LRIG1: variants seen among roughly 807,000 people sequenced by gnomAD.
LRIG1 encodes leucine-rich repeats and immunoglobulin-like domains protein 1.
Under a neutral mutation model 99.2 loss-of-function variants are expected in LRIG1, and 48 were observed. The observed-to-expected ratio is 0.48, with a 90% CI of 0.38 to 0.62. The LOEUF (loss-of-function observed/expected upper bound fraction) is 0.62, where lower values mean the gene tolerates loss of function less well. Ranked by LOEUF, LRIG1 falls within the 20% of genes least tolerant of loss-of-function variation. LRIG1 has a pLI of 0.00. For synonymous variants in LRIG1, 772 were observed against 596.1 expected (o/e 1.29, Z -4.30); for missense variants, 1,646 against 1,434.4 (o/e 1.15, Z -2.38).
chr3:66,409,906 T>C (rs1702408563), intron 7 of LRIG1: 2 of 475,028 alleles, frequency 4.2e-6, no homozygotes, highest in African/African-American at 3.9e-5. Context: ...CTGGAGCCCC[T>C]GCTAATCCAA....
intron 3 of LRIG1, among the ~76,000 whole-genome samples, chr3:66,419,178 G>A (rs938423586): frequency 2.6e-5 from 4 of 152,166 alleles, no homozygotes; most frequent in Non-Finnish European, 5.9e-5. Flanking sequence ...GCACAAAGAG[G>A]GGGTGAGGCC....
chr3:66,473,899 G>T (rs1700658155), intron 1 of LRIG1, among the ~76,000 whole-genome samples: 1 of 152,182 alleles, frequency 6.6e-6, no homozygotes, highest in South Asian at 2.1e-4. Flanking sequence ...GTCATGAAAT[G>T]CTTAGCTAAA....
chr3:66,473,539 G>A (rs532214343), intron 1 of LRIG1, among the ~76,000 whole-genome samples: 71 of 152,282 alleles, frequency 4.7e-4, no homozygotes, highest in Admixed American at 3.9e-3. Context: ...AATGCTCGGC[G>A]TTACAAATGG....
At chr3:66,442,658 A>T (rs1181887737) in intron 3 of LRIG1, among the ~76,000 whole-genome samples, 1 of 152,148 alleles carries the variant, frequency 6.6e-6, no homozygotes, top group African/African-American at 2.4e-5. Flanking sequence ...CTGCTTCTCC[A>T]ACATTGGGGA....
In LRIG1 at chr3:66,383,265, A is replaced by G. The variant is rs1382236940; in HGVS notation, c.2208T>C (p.Thr736=). Residue 736 remains threonine, a synonymous_variant, in exon 15 of 19, where the codon ACT becomes ACC. Coordinates refer to ENST00000273261, the MANE Select transcript of LRIG1 (RefSeq NM_015541.3). The part of the protein sequence containing the change: ...WFKGDRPLSL[T]ERHHLTPDNQ... ...TGTCAGGGGTCAAGTGGTGCCGCTC[A>G]GTGAGGCTCAGCGGGCGGTCCCCCT... is the stretch of plus-strand genomic sequence containing the variant. 1 of 1,613,944 alleles carries G rather than the reference A, an allele frequency of 6.2e-7. No homozygotes were observed. The highest frequency in any genetic ancestry group is 1.3e-5 in the African/African-American group (1 of 74,942).
At chr3:66,498,647 T>G (rs1575739618) in intron 1 of LRIG1, among the ~76,000 whole-genome samples, 1 of 151,598 alleles carries the variant, frequency 6.6e-6, no homozygotes, top group African/African-American at 2.4e-5. Context: ...AGGACAATAC[T>G]GGGCTCTATC....
intron 3 of LRIG1, among the ~76,000 whole-genome samples, chr3:66,445,903 T>A (rs1703700527): frequency 6.6e-6 from 1 of 152,178 alleles, no homozygotes; most frequent in Admixed American, 6.5e-5. Context: ...ATTAACAACC[T>A]TAGCTCAGAT....
chr3:66,460,231 A>G, intron 2 of LRIG1, among the ~76,000 whole-genome samples: 1 of 152,192 alleles, frequency 6.6e-6, no homozygotes, highest in East Asian at 1.9e-4. Context: ...GGAATTCTCC[A>G]ATTTTGTCCA....
chr3:66,433,144 G>A (rs1317581794), intron 3 of LRIG1, among the ~76,000 whole-genome samples: 1 of 152,108 alleles, frequency 6.6e-6, no homozygotes, highest in African/African-American at 2.4e-5. Context: ...CACTCTCCAG[G>A]GAACAAAAGA....
chr3:66,442,468 G>A (rs903401219), intron 3 of LRIG1, among the ~76,000 whole-genome samples: 7 of 152,134 alleles, frequency 4.6e-5, no homozygotes, highest in Admixed American at 1.3e-4. Flanking sequence ...GGAGGAGGAG[G>A]AGGAGGAAAT....
intron 3 of LRIG1, among the ~76,000 whole-genome samples, chr3:66,438,980 G>A (rs1453438549): frequency 1.3e-5 from 2 of 152,264 alleles, no homozygotes; most frequent in African/African-American, 2.4e-5. Context: ...TCCAGGGAAT[G>A]GGGGAAAGTG....
Position 66,435,673 on chromosome 3 carries a change from T to G in LRIG1, c.365+15886A>C, listed in dbSNP as rs544499858. ...GATCCTTGCAATGATACAAATATTC[T>G]GCATTCTGACTGCATCGATGTCAAT... On this transcript the variant is annotated intron_variant, in intron 3 of 18. Coordinates refer to ENST00000273261, the MANE Select transcript of LRIG1 (RefSeq NM_015541.3). Among the ~76,000 whole-genome samples the G allele has an allele frequency of 9.2e-5, 14 of 152,300 alleles. No individual in the cohort carries two copies. The South Asian group carries it at 2.5e-3, about 27-fold the overall frequency.
intron 3 of LRIG1, among the ~76,000 whole-genome samples, chr3:66,418,129 G>C (rs1702677452): frequency 6.6e-6 from 1 of 151,586 alleles, no homozygotes; most frequent in African/African-American, 2.4e-5. Context: ...GTCTCGCTCT[G>C]TCGCCAGGCT....
chr3:66,480,162 A>G (rs1221479058), intron 1 of LRIG1, among the ~76,000 whole-genome samples: 2 of 152,308 alleles, frequency 1.3e-5, no homozygotes, highest in South Asian at 2.1e-4. Context: ...ACCTGCCATA[A>G]TATGGACGAA....
At chr3:66,467,615 C>A (rs562153747) in intron 1 of LRIG1, among the ~76,000 whole-genome samples, 1 of 152,340 alleles carries the variant, frequency 6.6e-6, no homozygotes, top group East Asian at 1.9e-4. Flanking sequence ...CCCGCCTCGG[C>A]CTCCCAAAGT....
chr3:66,435,204 A>G (rs1388982905), intron 3 of LRIG1, among the ~76,000 whole-genome samples: 1 of 152,256 alleles, frequency 6.6e-6, no homozygotes, highest in Admixed American at 6.5e-5. Context: ...TCCATACTTT[A>G]TTATTCCATT....
At chr3:66,404,561 G>A in intron 9 of LRIG1, 1 of 295,854 alleles carries the variant, frequency 3.4e-6, no homozygotes, top group Non-Finnish European at 5.0e-6. Flanking sequence ...CAGCCGTGTA[G>A]TTTTGGGCGA....
chr3:66,399,179 G>A (rs1014079929), intron 9 of LRIG1, 138 bp from the exon 10 acceptor site: 1 of 702,654 alleles, frequency 1.4e-6, no homozygotes. Context: ...GGGGCAGGTG[G>A]AAAGCTGACC....
At chr3:66,393,690 C>CA (rs1293497014) in intron 12 of LRIG1, among the ~76,000 whole-genome samples, 1 of 152,198 alleles carries the variant, frequency 6.6e-6, no homozygotes, top group Non-Finnish European at 1.5e-5. Flanking sequence ...AAGAAACACA[C>CA]ATTAAAACGC....
Sources: gnomAD v4.1 joint callset for allele counts (sites outside exome capture counted in the v4.1 genomes callset) on GRCh38, gnomAD v4.1.1 for gene constraint, MANE v1.5 for transcripts, NCBI Gene and HGNC (gene_info 2026-07-23, HGNC 2026-07-21) for gene names.